The following LRRC74A variants were observed in gnomAD, a reference collection of about 807,000 sequenced individuals.
The protein encoded by LRRC74A is leucine rich repeat containing 74A.
LRRC74A carries 44 observed loss-of-function variants against 57.9 expected under a neutral mutation model. That is an observed-to-expected ratio of 0.76 (90% confidence interval 0.60 to 0.98). The LOEUF is 0.98. Among genes scored for constraint, LRRC74A ranks in the 50% least tolerant of loss-of-function variants. LRRC74A has a pLI of 0.00. For synonymous variants in LRRC74A, 211 were observed against 219.4 expected (o/e 0.96, Z 0.34); for missense variants, 572 against 574.0 (o/e 1.00, Z 0.04).
intron 13 of LRRC74A, 92 bp from the exon 14 acceptor site, chr14:76,870,033 C>T (rs1486751962): frequency 1.3e-5 from 18 of 1,400,646 alleles, no homozygotes; most frequent in Non-Finnish European, 1.7e-5. Flanking sequence ...TACAAATGGT[C>T]TCCTTTGGAT....
Position 76,837,949 on chromosome 14 carries a change from T to C in LRRC74A, c.522T>C (p.Ser174=), listed in dbSNP as rs4903497. The C allele has an allele frequency of 0.081, 128,475 of 1,576,874 alleles. 5,938 individuals carry two copies. The highest frequency in any genetic ancestry group is 0.17 in the Middle Eastern group (1,033 of 6,016). The change falls in exon 5 of 14, where the codon TCT becomes TCC. Residue 174 remains serine (S), a synonymous_variant. Transcript: ENST00000689127. ...ISDFFERNSS[S]IWSLELSGND... Reference sequence around the variant, plus strand: ...ATTTCTTTGAGAGAAACAGTTCTTCTATCTGGAGCCTTGAGCTTTCAGGTG... The same window carrying C: ...ATTTCTTTGAGAGAAACAGTTCTTCCATCTGGAGCCTTGAGCTTTCAGGTG...
intron 10 of LRRC74A, among the ~76,000 whole-genome samples, chr14:76,860,314 A>T (rs1322427340): frequency 6.6e-6 from 1 of 152,184 alleles, no homozygotes; most frequent in East Asian, 1.9e-4. Context: ...ATCCTCTTCC[A>T]GGGCACTTTC....
intron 7 of LRRC74A, among the ~76,000 whole-genome samples, chr14:76,848,509 T>C (rs1385338558): frequency 6.6e-6 from 1 of 151,418 alleles, no homozygotes; most frequent in East Asian, 1.9e-4. Context: ...TTAGAGGTTA[T>C]CGTAAGCTGT....
At chr14:76,863,991 C>T (rs1006228185) in intron 11 of LRRC74A, among the ~76,000 whole-genome samples, 7 of 152,268 alleles carry the variant, frequency 4.6e-5, no homozygotes, top group African/African-American at 1.7e-4. Flanking sequence ...CAAAGGCCAT[C>T]CATTCTGACC....
intron 2 of LRRC74A, among the ~76,000 whole-genome samples, chr14:76,830,798 C>A (rs564602739): frequency 6.6e-6 from 1 of 152,332 alleles, no homozygotes; most frequent in African/African-American, 2.4e-5. Flanking sequence ...AATGAAGATT[C>A]CATCAACCAT....
At chr14:76,846,047 A>G (rs1255393850) in intron 7 of LRRC74A, among the ~76,000 whole-genome samples, 1 of 152,250 alleles carries the variant, frequency 6.6e-6, no homozygotes, top group African/African-American at 2.4e-5. Context: ...GGCAACAGAC[A>G]GGGAGTAGAT....
intron 11 of LRRC74A, among the ~76,000 whole-genome samples, chr14:76,861,473 G>T (rs961961726): frequency 6.6e-6 from 1 of 151,878 alleles, no homozygotes. Context: ...AGGTAAAGCT[G>T]TTCTTTCCAA....
intron 7 of LRRC74A, among the ~76,000 whole-genome samples, chr14:76,848,830 C>T (rs4903498): frequency 0.3 from 45,686 of 152,000 alleles, 7,301 homozygotes; most frequent in Middle Eastern, 0.38. Context: ...GTGCGGAGCT[C>T]GCTGGCCTGA....
chr14:76,842,799 AG>A (rs1896864498), intron 5 of LRRC74A, among the ~76,000 whole-genome samples: 1 of 152,234 alleles, frequency 6.6e-6, no homozygotes, highest in Non-Finnish European at 1.5e-5. Flanking sequence ...TGTACTTCCC[AG>A]AAATCACCAG....
chr14:76,860,975 T>A, intron 11 of LRRC74A, 136 bp downstream of exon 11: 3 of 795,026 alleles, frequency 3.8e-6, no homozygotes, highest in Non-Finnish European at 5.7e-6. Context: ...TCTCAGTCCC[T>A]TGGACAGCAG....
intron 1 of LRRC74A, 73 bp from the exon 2 acceptor site, chr14:76,828,218 G>T (rs561030028): frequency 4.6e-6 from 7 of 1,520,354 alleles, no homozygotes; most frequent in Admixed American, 4.0e-5. Flanking sequence ...ATGGAGGGGC[G>T]GCAGCGGCAG....
chr14:76,840,898 A>G (rs1054384944), intron 5 of LRRC74A, among the ~76,000 whole-genome samples: 3 of 151,936 alleles, frequency 2.0e-5, no homozygotes, highest in African/African-American at 7.3e-5. Context: ...ATGTATTTCT[A>G]TGTCAACACT....
At chr14:76,850,010 C>A (rs1298690358) in intron 7 of LRRC74A, among the ~76,000 whole-genome samples, 2 of 151,958 alleles carry the variant, frequency 1.3e-5, no homozygotes, top group Non-Finnish European at 2.9e-5. Context: ...AGATTGAGAC[C>A]ATCCTGGCTA....
intron 5 of LRRC74A, among the ~76,000 whole-genome samples, 152 bp downstream of exon 5, chr14:76,838,123 TCA>T (rs1896498074): frequency 6.6e-6 from 1 of 152,114 alleles, no homozygotes; most frequent in African/African-American, 2.4e-5. Flanking sequence ...ACCCTCCCAG[TCA>T]CACTCCCCTA....
chr14:76,839,890 C>T (rs1896632786), intron 5 of LRRC74A, among the ~76,000 whole-genome samples: 1 of 152,034 alleles, frequency 6.6e-6, no homozygotes, highest in Admixed American at 6.6e-5. Flanking sequence ...GCCACCACAC[C>T]CAGCTAATTT....
chr14:76,852,418 A>C lies in LRRC74A; in HGVS notation c.730A>C (p.Arg244=). ...LDLSWNNFHT[R]GAVALCNGLR... is the part of the protein sequence containing the mutation. Reference sequence around the variant, plus strand: ...TCTGAGCTGGAATAACTTCCACACAAGGGGAGCTGTGGCCTTGTGCAATGG... The same window carrying C: ...TCTGAGCTGGAATAACTTCCACACACGGGGAGCTGTGGCCTTGTGCAATGG... The change falls in exon 8 of 14, where the codon AGG becomes CGG. Residue 244 remains arginine, a synonymous_variant. Coordinates refer to ENST00000689127, the MANE Select transcript of LRRC74A (RefSeq NM_001385106.1). The C allele has an allele frequency of 6.2e-7, 1 of 1,611,664 alleles. No homozygotes were observed. Among genetic ancestry groups the C allele is most frequent in the Non-Finnish European group, 8.5e-7 (1 of 1,178,650 alleles).
intron 9 of LRRC74A, among the ~76,000 whole-genome samples, chr14:76,855,908 A>T (rs1897843013): frequency 6.6e-6 from 1 of 152,224 alleles, no homozygotes; most frequent in South Asian, 2.1e-4. Context: ...AAGTCCTCAG[A>T]GCAGCCATAG....
intron 9 of LRRC74A, 83 bp downstream of exon 9, chr14:76,853,493 G>A (rs754792250): frequency 9.4e-6 from 12 of 1,273,420 alleles, no homozygotes; most frequent in Admixed American, 2.5e-5. Context: ...GTTGGGGGCT[G>A]CAGAGTACTG....
chr14:76,831,480 C>A (rs989723819), intron 3 of LRRC74A, 105 bp downstream of exon 3: 9 of 1,225,786 alleles, frequency 7.3e-6, no homozygotes, highest in Non-Finnish European at 1.0e-5. Flanking sequence ...TAAACCCACA[C>A]TTTATGCCCT....
Sources: allele counts gnomAD v4.1 joint callset (sites outside exome capture counted in the v4.1 genomes callset), GRCh38; gene constraint gnomAD v4.1.1; transcripts MANE v1.5; gene names NCBI Gene and HGNC (gene_info 2026-07-23, HGNC 2026-07-21).